Variants in PREX1 observed in about 807,000 individuals in gnomAD.
The protein encoded by PREX1 is phosphatidylinositol 3,4,5-trisphosphate-dependent Rac exchanger 1 protein.
PREX1 carries 41 observed loss-of-function variants against 198.3 expected under a neutral mutation model. That is an observed-to-expected ratio of 0.21 (90% CI 0.16 to 0.27). The LOEUF (loss-of-function observed/expected upper bound fraction) is 0.27. Among genes scored for constraint, PREX1 ranks in the 10% least tolerant of loss-of-function variants. PREX1 has a pLI of 1.00. For missense variants in PREX1, 1,620 were observed against 2,200.7 expected (o/e 0.74, Z 5.28); for synonymous variants, 843 against 887.2 (o/e 0.95, Z 0.89).
chr20:48,772,285 A>G (rs1296968261), intron 1 of PREX1, among the ~76,000 whole-genome samples: 1 of 152,272 alleles, frequency 6.6e-6, no homozygotes, highest in East Asian at 1.9e-4. Context: ...GGGTTCCAGA[A>G]AGCTGGGCCA....
At chr20:48,879,465 A>G in the PREX1 span, among the ~76,000 whole-genome samples, 1 of 152,206 alleles carries the variant, frequency 6.6e-6, no homozygotes, top group Non-Finnish European at 1.5e-5. Flanking sequence ...GGCTCTCCAG[A>G]ATGCACCCAA....
intron 8 of PREX1, chr20:48,692,408 A>T (rs2089823986): frequency 8.9e-6 from 3 of 335,642 alleles, no homozygotes; most frequent in Non-Finnish European, 1.6e-5. Context: ...CAAGAAAATG[A>T]TCATCACAAA....
intron 14 of PREX1, among the ~76,000 whole-genome samples, chr20:48,673,069 T>C (rs772725187): frequency 1.3e-5 from 2 of 152,114 alleles, no homozygotes; most frequent in Non-Finnish European, 2.9e-5. Flanking sequence ...CTTGTCTAAC[T>C]TCCCTACACT....
intron 1 of PREX1, among the ~76,000 whole-genome samples, chr20:48,817,734 C>T (rs1214404557): frequency 1.3e-5 from 2 of 152,136 alleles, no homozygotes; most frequent in Non-Finnish European, 2.9e-5. Flanking sequence ...GAAGTCTGCA[C>T]AAAAATGCTT....
At chr20:48,858,663 C>T in the PREX1 span, among the ~76,000 whole-genome samples, 1 of 152,270 alleles carries the variant, frequency 6.6e-6, no homozygotes, top group East Asian at 1.9e-4. Context: ...AGACAGGATC[C>T]CAGGGTGAGT....
In PREX1 at chr20:48,827,529, G is replaced by A; in HGVS notation, c.219+113C>T. 1.2e-6 allele frequency: 1 copy of A among 814,988 alleles called. No individual in the cohort carries two copies. Among genetic ancestry groups the A allele is most frequent in the Non-Finnish European group, 1.6e-6 (1 of 616,924 alleles). 50.5% of individuals were successfully genotyped at this position (814,988 alleles called of 1,614,324 possible). A position where few individuals can be genotyped will look rare whatever the true frequency, so the allele number is the denominator to read the frequency against. The stretch of plus-strand genomic sequence containing the variant: ...CCCCGCTTTCCGCGCGCCCTGCGGG[G>A]CGCCCCCGAGGCAATTCTCCACCCA... On this transcript the variant is annotated intron_variant, in intron 1 of 39. Transcript: ENST00000371941. The surrounding 1 kb of genome is among the most constrained non-coding windows in gnomAD (Gnocchi z 4.1).
intron 27 of PREX1, 172 bp from the exon 28 acceptor site, chr20:48,642,661 G>A (rs2089423374): frequency 1.7e-6 from 1 of 577,516 alleles, no homozygotes; most frequent in Non-Finnish European, 3.0e-6. Flanking sequence ...TGACCTCTCT[G>A]AGCCTCAGTT....
At chr20:48,669,479 C>T (rs139015159) in intron 14 of PREX1, among the ~76,000 whole-genome samples, 55 of 152,322 alleles carry the variant, frequency 3.6e-4, no homozygotes, top group African/African-American at 1.3e-3. Flanking sequence ...GGCAGGGACA[C>T]TGCCTGCCAT....
intron 7 of PREX1, among the ~76,000 whole-genome samples, chr20:48,693,753 A>G (rs1255592212): frequency 6.6e-6 from 1 of 151,640 alleles, no homozygotes. Context: ...GACTACAGGC[A>G]TGTCTCACCA....
the PREX1 span, among the ~76,000 whole-genome samples, chr20:48,879,626 C>T: frequency 4.6e-5 from 7 of 152,278 alleles, no homozygotes; most frequent in Middle Eastern, 3.4e-3. Flanking sequence ...TCTGTCAACT[C>T]GTCAATATGC....
intron 1 of PREX1, among the ~76,000 whole-genome samples, chr20:48,812,445 G>A (rs1025312706): frequency 6.6e-6 from 1 of 151,566 alleles, no homozygotes; most frequent in African/African-American, 2.4e-5. Context: ...AATGTAAGAG[G>A]AATGGGTAAA....
chr20:48,659,420 T>C (rs73144004), intron 16 of PREX1, among the ~76,000 whole-genome samples: 23,818 of 149,908 alleles, frequency 0.16, 2,177 homozygotes, highest in Middle Eastern at 0.29. Context: ...ACGGGAAGCA[T>C]TGGGGGACTT....
intron 3 of PREX1, among the ~76,000 whole-genome samples, chr20:48,740,175 G>C (rs531482000): frequency 2.0e-5 from 3 of 152,272 alleles, no homozygotes; most frequent in East Asian, 3.9e-4. Flanking sequence ...ATGGCCATGG[G>C]AAAATGTTTC....
chr20:48,868,502 T>C, the PREX1 span, among the ~76,000 whole-genome samples: 1 of 152,278 alleles, frequency 6.6e-6, no homozygotes, highest in South Asian at 2.1e-4. Context: ...TTTTTGTGTG[T>C]ATTTTTAGTA....
intron 2 of PREX1, among the ~76,000 whole-genome samples, chr20:48,745,951 G>A (rs1219255743): frequency 6.6e-6 from 1 of 152,160 alleles, no homozygotes; most frequent in South Asian, 2.1e-4. Flanking sequence ...ACCCCGCAAT[G>A]AGCAATTATT....
intron 1 of PREX1, among the ~76,000 whole-genome samples, chr20:48,752,565 C>T (rs2090138659): frequency 1.3e-5 from 2 of 152,178 alleles, no homozygotes; most frequent in South Asian, 4.1e-4. Context: ...TCAGTGATGG[C>T]CAGCAGGACC....
chr20:48,690,922 C>A (rs570107822), intron 9 of PREX1, 25 bp downstream of exon 9: 4 of 1,612,618 alleles, frequency 2.5e-6, no homozygotes, highest in South Asian at 2.2e-5. Flanking sequence ...GGATCCCAGG[C>A]GAGCACCCCA....
chr20:48,822,849 T>C (rs1335528691), intron 1 of PREX1, among the ~76,000 whole-genome samples: 3 of 152,216 alleles, frequency 2.0e-5, no homozygotes, highest in Non-Finnish European at 2.9e-5. Flanking sequence ...ACTTTTCATA[T>C]GAGGACCACG....
chr20:48,878,322 A>G, the PREX1 span, among the ~76,000 whole-genome samples: 1 of 151,984 alleles, frequency 6.6e-6, no homozygotes, highest in Admixed American at 6.6e-5. Context: ...TAGACACCTG[A>G]TACTTTGCCC....
Sources: gnomAD v4.1 joint callset for allele counts (sites outside exome capture counted in the v4.1 genomes callset) on GRCh38, gnomAD v4.1.1 for gene constraint, Gnocchi (gnomAD v3.1) non-coding constraint, MANE v1.5 for transcripts, NCBI Gene and HGNC (gene_info 2026-07-23, HGNC 2026-07-21) for gene names.